SORCS1: variants seen among roughly 807,000 people sequenced by gnomAD.
SORCS1 encodes VPS10 domain-containing receptor SorCS1.
SORCS1 carries 60 observed loss-of-function variants against 146.1 expected under a neutral mutation model. The ratio of observed to expected loss-of-function variants is 0.41; its 90% CI spans 0.33 to 0.51. The LOEUF (loss-of-function observed/expected upper bound fraction) is 0.51. Ranked by LOEUF, SORCS1 falls within the 20% of genes least tolerant of loss-of-function variation. The pLI, the probability that SORCS1 is intolerant of heterozygous loss-of-function variation, is 0.21. For missense variants in SORCS1, 1,352 were observed against 1,487.6 expected (o/e 0.91, Z 1.50); for synonymous variants, 637 against 584.0 (o/e 1.09, Z -1.31).
At chr10:106,908,118 G>C (rs190077430) in intron 2 of SORCS1, among the ~76,000 whole-genome samples, 3 of 152,174 alleles carry the variant, frequency 2.0e-5, no homozygotes, top group African/African-American at 7.2e-5. Context: ...TTTCTTATAT[G>C]TATGTATTTA....
At chr10:106,618,795 G>C (rs896117679) in intron 20 of SORCS1, among the ~76,000 whole-genome samples, 2 of 152,100 alleles carry the variant, frequency 1.3e-5, no homozygotes, top group African/African-American at 4.8e-5. Context: ...TTGTGTGCTG[G>C]CCCGCTTTGA....
At chr10:106,817,820 T>G (rs990394316) in intron 3 of SORCS1, among the ~76,000 whole-genome samples, 3 of 152,202 alleles carry the variant, frequency 2.0e-5, no homozygotes, top group African/African-American at 7.2e-5. Flanking sequence ...TCAATAAATA[T>G]TGGTTCAACT....
At chr10:106,772,204 T>C (rs1218981164) in intron 4 of SORCS1, among the ~76,000 whole-genome samples, 1 of 152,108 alleles carries the variant, frequency 6.6e-6, no homozygotes, top group Non-Finnish European at 1.5e-5. Flanking sequence ...GGAGGGTGAA[T>C]TCCCTCTTTC....
chr10:106,713,888 G>A (rs184905542), intron 6 of SORCS1, among the ~76,000 whole-genome samples: 84 of 152,158 alleles, frequency 5.5e-4, no homozygotes, highest in South Asian at 3.5e-3. Flanking sequence ...TAATATTTTT[G>A]TGTGGTAATT....
At position 106,659,086 on chromosome 10, in the gene SORCS1, A is replaced by T. The variant is rs114722601; in HGVS notation, c.2304-6533T>A. ...ACAATGTGTCCACATATCAACAATA[A>T]TCTTATGTAGCAGCCATAGCATCAG... On this transcript the variant is annotated intron_variant, in intron 17 of 25. Transcript: ENST00000263054. Among the ~76,000 whole-genome samples the T allele has an allele frequency of 6.4e-3, 975 of 152,302 alleles. 14 individuals carry two copies. The highest frequency in any genetic ancestry group is 0.022 in the African/African-American group (923 of 41,570).
Position 107,164,184 on chromosome 10 carries a change from G to C in SORCS1, c.343C>G (p.Gln115Glu). 6.2e-7 allele frequency: 1 copy of C among 1,611,768 alleles called. No homozygotes were observed. The highest frequency in any genetic ancestry group is 8.5e-7 in the Non-Finnish European group (1 of 1,179,982). ...SGRRRRSGADQEKAERGEGAS... is the reference protein window; with the variant it reads ...SGRRRRSGADEEKAERGEGAS... ...CCCTCTCCCCGTTCTGCCTTCTCCT[G>C]ATCCGCTCCGCTCCGTCTCCTCCGG... is the stretch of plus-strand genomic sequence containing the variant. Residue 115 changes from glutamine (Q) to glutamate (E), a missense_variant, in exon 1 of 26, where the codon CAG becomes GAG. This residue lies in a region of SORCS1 where 490 missense variants were observed against 489.1 expected (regional missense o/e 1.00). Coordinates refer to ENST00000263054, the MANE Select transcript of SORCS1 (RefSeq NM_052918.5). This position sits in a 1 kb window ranked among gnomAD's most constrained non-coding sequence, Gnocchi z 6.8.
chr10:106,711,498 G>T (rs547315466), intron 6 of SORCS1, among the ~76,000 whole-genome samples: 122 of 152,224 alleles, frequency 8.0e-4, no homozygotes, highest in African/African-American at 2.8e-3. Flanking sequence ...CCTGTATTCT[G>T]CAGAGTGCCA....
intron 4 of SORCS1, among the ~76,000 whole-genome samples, chr10:106,774,426 AGTGTGTGTGTGT>A (rs3045083): frequency 1.4e-5 from 2 of 147,620 alleles, no homozygotes; most frequent in Admixed American, 6.8e-5. Context: ...TAGGTTCCAA[AGTGTGTGTGTGT>A]GTGTGTGTGT....
intron 1 of SORCS1, among the ~76,000 whole-genome samples, chr10:107,159,438 T>C (rs188708809): frequency 1.1e-4 from 17 of 152,360 alleles, no homozygotes; most frequent in African/African-American, 3.6e-4. Context: ...CTAATTTTTG[T>C]ATACAGCCAG....
At chr10:106,803,718 C>T (rs1402425412) in intron 3 of SORCS1, among the ~76,000 whole-genome samples, 1 of 152,126 alleles carries the variant, frequency 6.6e-6, no homozygotes, top group Admixed American at 6.5e-5. Context: ...AGGTTATGAA[C>T]AACTGATAAA....
intron 17 of SORCS1, 29 bp downstream of exon 17, chr10:106,667,660 C>T (rs1385694804): frequency 1.3e-6 from 2 of 1,555,758 alleles, no homozygotes; most frequent in East Asian, 4.5e-5. Context: ...AAAGGTTGGC[C>T]TCTCAAGGTC....
chr10:107,001,545 C>A (rs1345164482), intron 1 of SORCS1, among the ~76,000 whole-genome samples: 1 of 152,168 alleles, frequency 6.6e-6, no homozygotes, highest in African/African-American at 2.4e-5. Context: ...GATTTAGCAA[C>A]CTCCGTCTCC....
At chr10:106,903,350 A>C (rs1315432334) in intron 2 of SORCS1, among the ~76,000 whole-genome samples, 1 of 152,212 alleles carries the variant, frequency 6.6e-6, no homozygotes, top group Admixed American at 6.5e-5. Context: ...AAGGCCATAC[A>C]TCTGGTAATG....
intron 18 of SORCS1, 137 bp downstream of exon 18, chr10:106,652,245 G>T (rs532532818): frequency 6.1e-6 from 5 of 819,594 alleles, no homozygotes; most frequent in East Asian, 2.8e-5. Context: ...GAAAAACAAG[G>T]AACTAAAAGT....
intron 2 of SORCS1, among the ~76,000 whole-genome samples, chr10:106,911,222 A>C (rs1405693602): frequency 6.6e-6 from 1 of 152,240 alleles, no homozygotes; most frequent in African/African-American, 2.4e-5. Flanking sequence ...ATTAGCTTTC[A>C]ACAACAGAAA....
chr10:107,053,984 A>G (rs1590029879), intron 1 of SORCS1, among the ~76,000 whole-genome samples: 1 of 152,296 alleles, frequency 6.6e-6, no homozygotes, highest in East Asian at 1.9e-4. Flanking sequence ...TGGGAATAAA[A>G]AACTGCTGAT....
chr10:106,783,980 T>C (rs1394168089), intron 3 of SORCS1, among the ~76,000 whole-genome samples: 1 of 152,070 alleles, frequency 6.6e-6, no homozygotes, highest in Non-Finnish European at 1.5e-5. Context: ...TGCTTAACTG[T>C]CATTTAAAAA....
At chr10:106,881,519 A>G (rs1030751411) in intron 2 of SORCS1, among the ~76,000 whole-genome samples, 1 of 152,198 alleles carries the variant, frequency 6.6e-6, no homozygotes, top group African/African-American at 2.4e-5. Flanking sequence ...AAAGGCCAGA[A>G]AAGGAAATTC....
intron 1 of SORCS1, among the ~76,000 whole-genome samples, chr10:107,138,341 C>T (rs978798015): frequency 6.6e-6 from 1 of 152,198 alleles, no homozygotes; most frequent in Non-Finnish European, 1.5e-5. Context: ...TCTGAACTAT[C>T]TTTGCAGATT....
Sources: allele counts gnomAD v4.1 joint callset (sites outside exome capture counted in the v4.1 genomes callset), GRCh38; gene constraint gnomAD v4.1.1; regional missense constraint gnomAD v4.1.1; non-coding constraint Gnocchi (gnomAD v3.1); transcripts MANE v1.5; gene names NCBI Gene and HGNC (gene_info 2026-07-23, HGNC 2026-07-21).